Variants in TUSC3 observed in about 807,000 individuals in gnomAD.
TUSC3 encodes dolichyl-diphosphooligosaccharide--protein glycosyltransferase subunit TUSC3.
A neutral mutation model predicts 44.8 loss-of-function variants in TUSC3; 45 were observed. The observed-to-expected ratio is 1.00, with a 90% CI of 0.79 to 1.29. TUSC3 has a LOEUF of 1.29. Among genes scored for constraint, TUSC3 ranks in the 50% most tolerant of loss-of-function variants. TUSC3 has a pLI of 0.00. For missense variants in TUSC3, 519 were observed against 437.9 expected (o/e 1.19, Z -1.65); for synonymous variants, 212 against 152.9 (o/e 1.39, Z -2.85).
At chr8:15,444,768 A>G (rs1800069888) in intron 1 of TUSC3, among the ~76,000 whole-genome samples, 1 of 41,554 alleles carries the variant, frequency 2.4e-5, no homozygotes, top group South Asian at 7.9e-4. Context: ...TATGTATAGA[A>G]AAAAAAATAA....
chr8:15,795,515 A>G, the TUSC3 span, among the ~76,000 whole-genome samples: 1 of 152,198 alleles, frequency 6.6e-6, no homozygotes. Context: ...TCTTTGGATA[A>G]ACTAATGAGA....
the TUSC3 span, among the ~76,000 whole-genome samples, chr8:15,792,141 CA>C: frequency 4.0e-4 from 61 of 152,114 alleles, 1 homozygote; most frequent in African/African-American, 1.2e-3. Context: ...CACACACACA[CA>C]CACCCTCTAC....
intron 8 of TUSC3, among the ~76,000 whole-genome samples, chr8:15,744,782 T>C (rs941746457): frequency 3.9e-5 from 6 of 152,178 alleles, no homozygotes; most frequent in African/African-American, 1.4e-4. Flanking sequence ...TGACAAATTA[T>C]GCCTATGAGG....
intron 6 of TUSC3, among the ~76,000 whole-genome samples, chr8:15,692,196 T>C (rs536464178): frequency 6.6e-6 from 1 of 152,234 alleles, no homozygotes; most frequent in Admixed American, 6.5e-5. Context: ...TGGATTAACT[T>C]TTTGATGTAC....
At chr8:15,442,014 G>A (rs2129118603) in intron 1 of TUSC3, among the ~76,000 whole-genome samples, 1 of 152,120 alleles carries the variant, frequency 6.6e-6, no homozygotes, top group Middle Eastern at 3.4e-3. Flanking sequence ...TATCATATAG[G>A]GACTCTTAAA....
chr8:15,752,192 T>C (rs779842941), intron 9 of TUSC3, among the ~76,000 whole-genome samples: 18 of 152,010 alleles, frequency 1.2e-4, no homozygotes, highest in Non-Finnish European at 2.5e-4. Flanking sequence ...TAGGCTAAAA[T>C]TCAACACAGC....
the TUSC3 span, among the ~76,000 whole-genome samples, chr8:15,771,841 C>A: frequency 2.0e-5 from 3 of 152,140 alleles, no homozygotes; most frequent in African/African-American, 7.2e-5. Context: ...GTAATCCCAG[C>A]ACTTTGGGAG....
chr8:15,759,362 C>T (rs140734593), intron 10 of TUSC3, among the ~76,000 whole-genome samples: 3 of 151,932 alleles, frequency 2.0e-5, no homozygotes, highest in African/African-American at 4.8e-5. Flanking sequence ...TATGTTCTGT[C>T]GAGCTGAGGA....
At chr8:15,749,657 G>T (rs562405750) in intron 9 of TUSC3, among the ~76,000 whole-genome samples, 173 of 151,596 alleles carry the variant, frequency 1.1e-3, no homozygotes, top group African/African-American at 4.0e-3. Flanking sequence ...CTTGACTTTA[G>T]AGAGCCAGCC....
At chr8:15,772,797 C>T in the TUSC3 span, among the ~76,000 whole-genome samples, 3 of 152,154 alleles carry the variant, frequency 2.0e-5, no homozygotes, top group African/African-American at 7.2e-5. Flanking sequence ...AAGTTTTATA[C>T]AGCATGACCA....
At chr8:15,505,194 G>C (rs763480449) in intron 2 of TUSC3, among the ~76,000 whole-genome samples, 22 of 152,078 alleles carry the variant, frequency 1.4e-4, no homozygotes, top group Non-Finnish European at 1.8e-4. Context: ...GATGACTCAG[G>C]TTATTTGCCG....
chr8:15,439,447 C>T (rs942959651), intron 1 of TUSC3, among the ~76,000 whole-genome samples: 1 of 152,174 alleles, frequency 6.6e-6, no homozygotes, highest in African/African-American at 2.4e-5. Context: ...GTTCCAGCTA[C>T]TCAGGAGGCT....
chr8:15,769,276 C>T (rs1427431669), downstream of TUSC3, among the ~76,000 whole-genome samples: 1 of 152,034 alleles, frequency 6.6e-6, no homozygotes, highest in Non-Finnish European at 1.5e-5. Flanking sequence ...GAAATAATAC[C>T]ACACGTCTAC....
At chr8:15,701,959 C>T (rs1809424600) in intron 6 of TUSC3, among the ~76,000 whole-genome samples, 1 of 152,098 alleles carries the variant, frequency 6.6e-6, no homozygotes, top group Non-Finnish European at 1.5e-5. Flanking sequence ...GAATAAACTA[C>T]TAAGTCATGT....
At chr8:15,563,744 C>G (rs1249539734) in intron 1 of TUSC3, among the ~76,000 whole-genome samples, 2 of 150,104 alleles carry the variant, frequency 1.3e-5, no homozygotes, top group African/African-American at 4.9e-5. Context: ...TGAAACCATC[C>G]TCAGAGTAGT....
At chr8:15,417,740 T>C (rs573365403) in intron 1 of TUSC3, among the ~76,000 whole-genome samples, 1 of 152,188 alleles carries the variant, frequency 6.6e-6, no homozygotes, top group Non-Finnish European at 1.5e-5. Flanking sequence ...GCACAGCTGG[T>C]AGGATATTCT....
intron 7 of TUSC3, among the ~76,000 whole-genome samples, chr8:15,738,803 C>G (rs920082988): frequency 6.1e-5 from 8 of 131,062 alleles, no homozygotes; most frequent in Admixed American, 2.5e-4. Flanking sequence ...GGTATGGTGA[C>G]AAAATTACTA....
chr8:15,780,833 A>T, the TUSC3 span, among the ~76,000 whole-genome samples: 1 of 152,104 alleles, frequency 6.6e-6, no homozygotes. Flanking sequence ...GGAGCAGGGG[A>T]AACTGAGAAT....
At chr8:15,801,846 G>T in the TUSC3 span, among the ~76,000 whole-genome samples, 1 of 152,302 alleles carries the variant, frequency 6.6e-6, no homozygotes, top group Non-Finnish European at 1.5e-5. Context: ...TCAAGAAATT[G>T]AATCAACAAG....
Sources: allele counts gnomAD v4.1 joint callset (sites outside exome capture counted in the v4.1 genomes callset), GRCh38; gene constraint gnomAD v4.1.1; transcripts MANE v1.5; gene names NCBI Gene and HGNC (gene_info 2026-07-23, HGNC 2026-07-21).